TENM3: variants seen among roughly 807,000 people sequenced by gnomAD.
The protein encoded by TENM3 is teneurin-3.
Under a neutral mutation model 255.1 loss-of-function variants are expected in TENM3, and 63 were observed. The ratio of observed to expected loss-of-function variants is 0.25; its 90% confidence interval spans 0.20 to 0.30. TENM3 has a LOEUF of 0.30. TENM3 is among the 10% of genes least tolerant of loss of function. TENM3 has a pLI of 1.00. For missense variants in TENM3, 2,929 were observed against 3,461.1 expected (o/e 0.85, Z 3.86); for synonymous variants, 1,306 against 1,322.3 (o/e 0.99, Z 0.27).
chr4:181,927,791 C>T, the TENM3 span, among the ~76,000 whole-genome samples: 2 of 152,162 alleles, frequency 1.3e-5, no homozygotes, highest in African/African-American at 4.8e-5. Context: ...TGGCATCTGG[C>T]AGGTGTCCCT....
the TENM3 span, among the ~76,000 whole-genome samples, chr4:181,969,390 T>C: frequency 6.6e-6 from 1 of 152,246 alleles, no homozygotes; most frequent in African/African-American, 2.4e-5. Flanking sequence ...AGTGATTTAA[T>C]GTGTCTGAGT....
At chr4:181,852,854 C>A in the TENM3 span, among the ~76,000 whole-genome samples, 1 of 152,156 alleles carries the variant, frequency 6.6e-6, no homozygotes, top group South Asian at 2.1e-4. Context: ...AGAAAGCCAG[C>A]GTAGTGGTGA....
intron 1 of TENM3, 124 bp from the exon 2 acceptor site, chr4:182,323,822 G>GA (rs1763215163): frequency 1.7e-6 from 1 of 590,218 alleles, no homozygotes; most frequent in African/African-American, 1.9e-5. Context: ...ATTTCTTGTT[G>GA]AAAGCAAGTT....
intron 22 of TENM3, among the ~76,000 whole-genome samples, chr4:182,772,375 C>T (rs1764316252): frequency 1.3e-5 from 2 of 152,188 alleles, no homozygotes; most frequent in South Asian, 2.1e-4. Flanking sequence ...CTTTCTCTAA[C>T]AGCATTGTTT....
chr4:182,041,790 A>T, the TENM3 span, among the ~76,000 whole-genome samples: 949 of 152,296 alleles, frequency 6.2e-3, 1 homozygote, highest in Non-Finnish European at 0.011. Flanking sequence ...GGCTTCTTCA[A>T]ATATGCAGCT....
At chr4:182,647,770 T>G (rs1752884242) in intron 5 of TENM3, among the ~76,000 whole-genome samples, 1 of 152,154 alleles carries the variant, frequency 6.6e-6, no homozygotes, top group Admixed American at 6.5e-5. Flanking sequence ...CATATGGTAT[T>G]TCTATATTTA....
chr4:182,088,828 C>T, the TENM3 span, among the ~76,000 whole-genome samples: 9 of 142,274 alleles, frequency 6.3e-5, no homozygotes, highest in African/African-American at 1.8e-4. Flanking sequence ...AGCGAGACTC[C>T]ATCTCTAAAG....
At chr4:181,835,093 G>A in the TENM3 span, 71 of 152,256 alleles carry the variant, frequency 4.7e-4, no homozygotes, top group Non-Finnish European at 7.4e-5. Flanking sequence ...GTCAAAGCCA[G>A]GTCACCCTCA....
At chr4:181,707,552 C>A in the TENM3 span, among the ~76,000 whole-genome samples, 1 of 152,092 alleles carries the variant, frequency 6.6e-6, no homozygotes, top group Non-Finnish European at 1.5e-5. Context: ...GCTAAGCATC[C>A]AAGAGTGGTT....
the TENM3 span, among the ~76,000 whole-genome samples, chr4:181,613,358 G>T: frequency 6.6e-6 from 1 of 152,230 alleles, no homozygotes; most frequent in South Asian, 2.1e-4. Context: ...TGGGAGCAGA[G>T]CCCAGGAGCC....
intron 1 of TENM3, among the ~76,000 whole-genome samples, chr4:182,150,016 T>C (rs991058005): frequency 1.3e-5 from 2 of 152,010 alleles, no homozygotes; most frequent in African/African-American, 4.8e-5. Context: ...GATACAAAAA[T>C]TGCGTTTGTT....
the TENM3 span, among the ~76,000 whole-genome samples, chr4:181,607,542 G>A: frequency 1.3e-5 from 2 of 151,764 alleles, no homozygotes; most frequent in African/African-American, 4.8e-5. Context: ...AGCCTCCCGA[G>A]TAGCTGAGAT....
chr4:182,572,082 A>G (rs1744437775), intron 3 of TENM3, among the ~76,000 whole-genome samples: 1 of 152,104 alleles, frequency 6.6e-6, no homozygotes. Flanking sequence ...TTGTATTTTT[A>G]GTAAAAACGG....
the TENM3 span, among the ~76,000 whole-genome samples, chr4:181,577,021 T>A: frequency 1.1e-4 from 14 of 131,720 alleles, no homozygotes; most frequent in Non-Finnish European, 2.2e-4. Context: ...ATAATATATG[T>A]AATATGCAAT....
At chr4:182,365,407 G>T (rs1345691299) in intron 3 of TENM3, among the ~76,000 whole-genome samples, 2 of 152,190 alleles carry the variant, frequency 1.3e-5, no homozygotes, top group East Asian at 1.9e-4. Context: ...CTCCTTACAA[G>T]TGGGCCTTCT....
the TENM3 span, among the ~76,000 whole-genome samples, chr4:181,907,260 G>A: frequency 6.6e-6 from 1 of 152,280 alleles, no homozygotes; most frequent in South Asian, 2.1e-4. Flanking sequence ...AGTGCAACAG[G>A]GAGCCAGGAG....
the TENM3 span, among the ~76,000 whole-genome samples, chr4:181,618,954 C>A: frequency 6.6e-6 from 1 of 152,186 alleles, no homozygotes; most frequent in African/African-American, 2.4e-5. Flanking sequence ...CAGATCCACT[C>A]TCTACTTCTG....
chr4:182,421,027 TG>T (rs1172826853), intron 3 of TENM3, among the ~76,000 whole-genome samples: 1 of 152,200 alleles, frequency 6.6e-6, no homozygotes, highest in Non-Finnish European at 1.5e-5. Context: ...GAGATTGAGA[TG>T]GTTTCATCAC....
At chr4:182,079,312 C>G in the TENM3 span, among the ~76,000 whole-genome samples, 1 of 152,106 alleles carries the variant, frequency 6.6e-6, no homozygotes, top group African/African-American at 2.4e-5. Context: ...GTCAGGAGAT[C>G]GAGACCATCC....
Sources: gnomAD v4.1 joint callset for allele counts (sites outside exome capture counted in the v4.1 genomes callset) on GRCh38, gnomAD v4.1.1 for gene constraint, MANE v1.5 for transcripts, NCBI Gene and HGNC (gene_info 2026-07-23, HGNC 2026-07-21) for gene names.